The following GOLGA5 variants were observed in gnomAD, a reference collection of about 807,000 sequenced individuals.
GOLGA5 encodes golgin subfamily A member 5.
A neutral mutation model predicts 93.5 loss-of-function variants in GOLGA5; 50 were observed. The ratio of observed to expected loss-of-function variants is 0.53; its 90% CI spans 0.43 to 0.68. The LOEUF (loss-of-function observed/expected upper bound fraction) is 0.68, where lower values mean the gene tolerates loss of function less well. Ranked by LOEUF, GOLGA5 falls within the 30% of genes least tolerant of loss-of-function variation. The pLI, the probability that GOLGA5 is intolerant of heterozygous loss-of-function variation, is 0.00. For synonymous variants in GOLGA5, 312 were observed against 304.5 expected, an observed-to-expected ratio of 1.02 and a Z score of -0.26; for missense variants, 760 against 856.4, an observed-to-expected ratio of 0.89 and a Z score of 1.40.
At chr14:92,835,710 T>C in intron 11 of GOLGA5, 46 bp downstream of exon 11, 1 of 1,206,046 alleles carries the variant, frequency 8.3e-7, no homozygotes, top group South Asian at 1.3e-5. Context: ...CAGCTGTTTT[T>C]ACGTTTTTCA....
chr14:92,834,184 C>CTTTTTTTTTTTTT (rs35449807), intron 10 of GOLGA5, among the ~76,000 whole-genome samples: 15 of 135,084 alleles, frequency 1.1e-4, no homozygotes, highest in East Asian at 2.2e-4. Context: ...TAGGTTTCAC[C>CTTTTTTTTTTTTT]TTTTTTTTTT....
chr14:92,829,665 T>C (rs144896059), intron 9 of GOLGA5, among the ~76,000 whole-genome samples: 483 of 152,306 alleles, frequency 3.2e-3, no homozygotes, highest in Middle Eastern at 0.014. Flanking sequence ...CCACTTTTGG[T>C]GAAGATGCTG....
chr14:92,828,898 G>A (rs1005774951), intron 9 of GOLGA5, among the ~76,000 whole-genome samples: 6 of 152,086 alleles, frequency 3.9e-5, no homozygotes, highest in African/African-American at 1.4e-4. Flanking sequence ...CTAACTCCTG[G>A]CCTCAACCAA....
intron 11 of GOLGA5, among the ~76,000 whole-genome samples, chr14:92,835,883 TTA>T (rs1885630319): frequency 6.6e-6 from 1 of 152,164 alleles, no homozygotes; most frequent in African/African-American, 2.4e-5. Context: ...ATGTCAGAAA[TTA>T]TGTCAAGAGG....
Position 92,795,718 on chromosome 14 carries a change from C to T in GOLGA5, c.-31+1262C>T, listed in dbSNP as rs79016220. Among the ~76,000 whole-genome samples the T allele has an allele frequency of 4.9e-4, 50 of 101,834 alleles. No individual in the cohort carries two copies. In the East Asian group the frequency reaches 0.016, roughly 32 times the overall value. 66.8% of individuals were successfully genotyped at this position (101,834 alleles called of 152,430 possible). On this transcript the variant is annotated intron_variant, in intron 1 of 12. Coordinates refer to ENST00000163416, the MANE Select transcript of GOLGA5 (RefSeq NM_005113.4). ...GCCACTGCCCCACTTTCCCCAAGAA[C>T]AAGAAGCATGTTAAAAAAATACGTA... is the stretch of plus-strand genomic sequence containing the variant.
At chr14:92,810,472 C>A in intron 5 of GOLGA5, 95 bp downstream of exon 5, 1 of 862,944 alleles carries the variant, frequency 1.2e-6, no homozygotes, top group Non-Finnish European at 1.7e-6. Context: ...TAATATAATT[C>A]TGCAATGCAT....
intron 11 of GOLGA5, among the ~76,000 whole-genome samples, chr14:92,836,117 T>C (rs976213234): frequency 3.3e-5 from 5 of 152,028 alleles, no homozygotes; most frequent in Admixed American, 6.5e-5. Context: ...TTATATATTT[T>C]ATATAAATAA....
Position 92,797,844 on chromosome 14 carries a change from G to A in GOLGA5, c.407G>A (p.Gly136Glu), listed in dbSNP as rs1386442489. The A allele has an allele frequency of 6.2e-7, 1 of 1,614,030 alleles. No individual in the cohort carries two copies. The highest frequency in any genetic ancestry group is 1.1e-5 in the South Asian group (1 of 91,070). ...AATAGTTCACAGAAGGAGCCTACCG[G>A]GAGGGTGGAAATCAGAAAGGAAAAA... ...FLNSSQKEPT[G>E]RVEIRKEKGK... Residue 136 changes from glycine to glutamate, a missense_variant, in exon 2 of 13, where the codon GGG (glycine) becomes GAG (glutamate). By Grantham distance (98) the Gly-to-Glu change is moderately conservative. Transcript: ENST00000163416.
intron 6 of GOLGA5, among the ~76,000 whole-genome samples, chr14:92,815,453 C>T (rs1340402790): frequency 6.6e-6 from 1 of 152,128 alleles, no homozygotes; most frequent in Admixed American, 6.6e-5. Context: ...TAGAGAGAGA[C>T]ATTATCTTTA....
At chr14:92,796,072 TGGTA>T in intron 1 of GOLGA5, among the ~76,000 whole-genome samples, 3 of 152,352 alleles carry the variant, frequency 2.0e-5, no homozygotes, top group Middle Eastern at 6.8e-3. Flanking sequence ...AATGTGCACA[TGGTA>T]GGTATTGAGT....
chr14:92,816,457 T>C, intron 7 of GOLGA5, 36 bp downstream of exon 7: 1 of 1,571,644 alleles, frequency 6.4e-7, no homozygotes, highest in Non-Finnish European at 8.7e-7. Context: ...GTAGACACCA[T>C]TTACCCTCAG....
intron 7 of GOLGA5, among the ~76,000 whole-genome samples, chr14:92,818,913 A>G (rs1885260627): frequency 6.6e-6 from 1 of 152,236 alleles, no homozygotes; most frequent in Admixed American, 6.5e-5. Flanking sequence ...AGAGTAAGAA[A>G]CATAAGAACA....
chr14:92,837,730 A>G (rs932184141), intron 12 of GOLGA5, among the ~76,000 whole-genome samples: 2 of 151,894 alleles, frequency 1.3e-5, no homozygotes, highest in African/African-American at 4.8e-5. Context: ...TGCCCAGCTA[A>G]TATTTGTATT....
intron 1 of GOLGA5, among the ~76,000 whole-genome samples, chr14:92,796,976 C>CAAAAAA: frequency 1.4e-5 from 1 of 73,686 alleles, no homozygotes; most frequent in Non-Finnish European, 2.5e-5. Flanking sequence ...GACTCCGTCT[C>CAAAAAA]AAAAAAAAAA....
intron 6 of GOLGA5, among the ~76,000 whole-genome samples, chr14:92,813,086 A>G (rs1444067355): frequency 1.3e-5 from 2 of 151,852 alleles, no homozygotes; most frequent in African/African-American, 4.8e-5. Flanking sequence ...TTTTGACTTT[A>G]CCTTTTTTCT....
At chr14:92,817,444 G>T (rs933502964) in intron 7 of GOLGA5, among the ~76,000 whole-genome samples, 1 of 152,142 alleles carries the variant, frequency 6.6e-6, no homozygotes, top group African/African-American at 2.4e-5. Context: ...TCTAATATTA[G>T]TATGGGCTCA....
intron 12 of GOLGA5, among the ~76,000 whole-genome samples, chr14:92,837,854 G>A (rs543928009): frequency 2.6e-5 from 4 of 152,224 alleles, no homozygotes; most frequent in East Asian, 1.9e-4. Context: ...ATGCGCCAAC[G>A]CACCCAGCCA....
chr14:92,832,712 TC>T (rs1228463350), intron 9 of GOLGA5, among the ~76,000 whole-genome samples: 5 of 152,200 alleles, frequency 3.3e-5, no homozygotes, highest in African/African-American at 1.2e-4. Context: ...GGCTTTTGAA[TC>T]CCTGTTGAAA....
At chr14:92,809,033 G>A (rs1050600525) in intron 3 of GOLGA5, among the ~76,000 whole-genome samples, 2 of 151,946 alleles carry the variant, frequency 1.3e-5, no homozygotes, top group African/African-American at 2.4e-5. Context: ...TACTAGTTTC[G>A]GCTCCCAGAT....
Sources: gnomAD v4.1 joint callset for allele counts (sites outside exome capture counted in the v4.1 genomes callset) on GRCh38, gnomAD v4.1.1 for gene constraint, MANE v1.5 for transcripts, NCBI Gene and HGNC (gene_info 2026-07-23, HGNC 2026-07-21) for gene names.